The following BCO1 variants were observed in gnomAD, a reference collection of about 807,000 sequenced individuals.
The protein encoded by BCO1 is beta,beta-carotene 15,15'-dioxygenase.
In BCO1, 54 loss-of-function variants were observed where a neutral mutation model predicts 56.3. That is an observed-to-expected ratio of 0.96 (90% confidence interval 0.77 to 1.20). The LOEUF (loss-of-function observed/expected upper bound fraction) is 1.20. BCO1 is among the 50% of genes most tolerant of loss of function. The pLI is 0.00. For synonymous variants in BCO1, 318 were observed against 266.1 expected, an observed-to-expected ratio of 1.20 and a Z score of -1.90; for missense variants, 801 against 690.9, an observed-to-expected ratio of 1.16 and a Z score of -1.79.
At position 81,285,582 on chromosome 16, in the gene BCO1, A is replaced by G; in HGVS notation, c.1250A>G (p.Gln417Arg). Residue 417 changes from glutamine (Q) to arginine (R), a missense_variant, in exon 9 of 11, where the codon CAA becomes CGA. Coordinates refer to ENST00000258168, the MANE Select transcript of BCO1 (RefSeq NM_017429.3). ...GTCAATTATGCTCACAATGGAAAGC[A>G]ATACCGATATGTCTTTGCTACAGGA... ...PRVNYAHNGK[Q>R]YRYVFATGVQ... The G allele has an allele frequency of 6.2e-7, 1 of 1,613,972 alleles. No homozygotes were observed.
At chr16:81,261,896 C>T (rs1906505888) in intron 3 of BCO1, 2 of 419,808 alleles carry the variant, frequency 4.8e-6, no homozygotes, top group South Asian at 4.1e-5. Flanking sequence ...CGCCTGCCAC[C>T]ACGCCCGGCT....
chr16:81,270,184 G>A lies in BCO1; in HGVS notation c.869G>A (p.Arg290Lys), dbSNP rs1222272747. ...ACTTATATCCACATCATCGACCAAA[G>A]GACCAGGCAGCCTGTGCAGACCAAG... ...EKTYIHIIDQRTRQPVQTKFY... is the reference protein window; with the variant it reads ...EKTYIHIIDQKTRQPVQTKFY... The change falls in exon 7 of 11, where the codon AGG becomes AAG. Residue 290 changes from arginine (R) to lysine (K), a missense_variant. Physicochemically the swap from Arg to Lys is conservative, Grantham distance 26 (BLOSUM62 2). Transcript: ENST00000258168. The A allele has an allele frequency of 1.2e-6, 2 of 1,614,144 alleles. No homozygotes were observed. Among genetic ancestry groups the A allele is most frequent in the Admixed American group, 1.7e-5 (1 of 60,026 alleles).
rs1904977474 is a variant in BCO1 at position 81,238,853 on chromosome 16, A to C, written c.-56A>C. 2 of 1,495,972 alleles carry C rather than the reference A, an allele frequency of 1.3e-6. No homozygotes were observed. Among genetic ancestry groups the C allele is most frequent in the East Asian group, 4.5e-5 (2 of 44,244 alleles). The allele number at this position is 1,495,972 out of a possible 1,614,324, so 92.7% of individuals were successfully genotyped here. On this transcript the variant is annotated 5_prime_UTR_variant, in exon 1 of 11. Coordinates refer to ENST00000258168, the MANE Select transcript of BCO1 (RefSeq NM_017429.3). Reference sequence around the variant, plus strand: ...GGAGGAGGGAGCAGCATCTCCTGTGAACACAGAGGAGCACCTGTTTGCTGT... The same window carrying C: ...GGAGGAGGGAGCAGCATCTCCTGTGCACACAGAGGAGCACCTGTTTGCTGT...
intron 2 of BCO1, among the ~76,000 whole-genome samples, chr16:81,251,837 C>CACA (rs1905816163): frequency 6.9e-6 from 1 of 145,592 alleles, no homozygotes; most frequent in African/African-American, 2.7e-5. Flanking sequence ...TATATACCCA[C>CACA]ACACACACAC....
At chr16:81,266,473 C>T (rs1176034251) in intron 5 of BCO1, among the ~76,000 whole-genome samples, 1 of 152,124 alleles carries the variant, frequency 6.6e-6, no homozygotes, top group African/African-American at 2.4e-5. Context: ...CCATCCCCCA[C>T]TGTCTTGTAG....
chr16:81,265,640 C>T lies in BCO1; in HGVS notation c.619+853C>T, dbSNP rs1906772245. On this transcript the variant is annotated intron_variant, in intron 5 of 10. Transcript: ENST00000258168. ...CCCACCCATCCACCATCCATCCATTCATCCATCCACCCACACACCATCTAC... is the reference window on the plus strand; with the variant it reads ...CCCACCCATCCACCATCCATCCATTTATCCATCCACCCACACACCATCTAC... Among the ~76,000 whole-genome samples, 3 of 144,884 alleles carry T rather than the reference C, an allele frequency of 2.1e-5. No homozygotes were observed. The South Asian group carries it at 7.0e-4, about 34-fold the overall frequency.
At chr16:81,286,115 T>C (rs1015290143) in intron 9 of BCO1, among the ~76,000 whole-genome samples, 2 of 152,102 alleles carry the variant, frequency 1.3e-5, no homozygotes, top group Admixed American at 6.5e-5. Flanking sequence ...CTTGAATTCC[T>C]AGGTTCAGGG....
intron 1 of BCO1, among the ~76,000 whole-genome samples, chr16:81,243,708 A>T (rs1239378231): frequency 6.6e-6 from 1 of 152,116 alleles, no homozygotes; most frequent in Non-Finnish European, 1.5e-5. Flanking sequence ...ACCTCAAGCG[A>T]TCTGCCTGCC....
intron 5 of BCO1, among the ~76,000 whole-genome samples, chr16:81,266,615 A>C (rs1260641922): frequency 6.6e-6 from 1 of 152,138 alleles, no homozygotes; most frequent in Non-Finnish European, 1.5e-5. Context: ...TCAAGCTCAG[A>C]ATCCTAGAAT....
In BCO1 at chr16:81,262,212, G is replaced by C; in HGVS notation, c.400G>C (p.Asp134His). 6.2e-7 allele frequency: 1 copy of C among 1,613,952 alleles called. No homozygotes were observed. Among genetic ancestry groups the C allele is most frequent in the Non-Finnish European group, 8.5e-7 (1 of 1,179,864 alleles). ...GATCAACATCATGAAGTGCGGAGAA[G>C]ACTTCTACGCGACCTCAGAGACCAA... The part of the protein sequence containing the change: ...CLINIMKCGE[D>H]FYATSETNYI... The change falls in exon 4 of 11, where the codon GAC (aspartate) becomes CAC (histidine). Residue 134 changes from aspartate (D) to histidine (H), a missense_variant. Asp to His is a moderately conservative substitution (Grantham distance 81). Coordinates refer to ENST00000258168, the MANE Select transcript of BCO1 (RefSeq NM_017429.3).
chr16:81,284,265 T>A (rs1402989811), intron 8 of BCO1, among the ~76,000 whole-genome samples: 1 of 970 alleles, frequency 1.0e-3, no homozygotes, highest in African/African-American at 1.5e-3. Context: ...TAAATATATA[T>A]TTATATATTT....
chr16:81,270,073 G>C (rs528729448), intron 6 of BCO1, 86 bp from the exon 7 acceptor site: 1 of 1,547,026 alleles, frequency 6.5e-7, no homozygotes, highest in South Asian at 1.1e-5. Flanking sequence ...AGCTCCTGGC[G>C]GGGCTGGGTT....
intron 7 of BCO1, among the ~76,000 whole-genome samples, chr16:81,279,857 T>A (rs1003165029): frequency 6.6e-6 from 1 of 152,228 alleles, no homozygotes; most frequent in Non-Finnish European, 1.5e-5. Context: ...ATGTTTGTTT[T>A]CATTTCTGCA....
intron 9 of BCO1, among the ~76,000 whole-genome samples, chr16:81,285,878 A>C (rs556641083): frequency 2.5e-4 from 38 of 152,274 alleles, no homozygotes; most frequent in Admixed American, 1.8e-3. Flanking sequence ...TACATATTTA[A>C]TGAGCACCAA....
chr16:81,286,505 A>G lies in BCO1; in HGVS notation c.1303-790A>G, dbSNP rs557046602. Among the ~76,000 whole-genome samples the G allele has an allele frequency of 4.6e-5, 7 of 152,282 alleles. No homozygotes were observed. The South Asian group carries it at 1.5e-3, about 32-fold the overall frequency. Reference sequence around the variant, plus strand: ...TGTACTTTAAATGTTTGCATTGAATATATTCATTTATTTAACTCATATAAA... The same window carrying G: ...TGTACTTTAAATGTTTGCATTGAATGTATTCATTTATTTAACTCATATAAA... On this transcript the variant is annotated intron_variant, in intron 9 of 10. Transcript: ENST00000258168.
intron 1 of BCO1, among the ~76,000 whole-genome samples, chr16:81,240,995 C>T (rs904997528): frequency 4.6e-5 from 7 of 151,752 alleles, no homozygotes; most frequent in Non-Finnish European, 1.0e-4. Context: ...CCACCACACC[C>T]GGCTAATTTT....
At chr16:81,253,057 C>G (rs544093139) in intron 2 of BCO1, among the ~76,000 whole-genome samples, 2 of 151,936 alleles carry the variant, frequency 1.3e-5, no homozygotes, top group African/African-American at 4.8e-5. Flanking sequence ...TGCAGTGAGC[C>G]GAGATCGCAC....
At chr16:81,271,522 C>G (rs535701488) in intron 7 of BCO1, among the ~76,000 whole-genome samples, 43 of 152,300 alleles carry the variant, frequency 2.8e-4, no homozygotes, top group Non-Finnish European at 5.6e-4. Flanking sequence ...AAACACACCC[C>G]ACACCCCTTA....
At position 81,238,740 on chromosome 16, in the gene BCO1, C is replaced by G; in HGVS notation, c.-169C>G. The G allele has an allele frequency of 1.4e-6, 1 of 700,472 alleles. No individual in the cohort carries two copies. Among genetic ancestry groups the G allele is most frequent in the Non-Finnish European group, 2.6e-6 (1 of 382,936 alleles). 43.4% of individuals were successfully genotyped at this position (700,472 alleles called of 1,614,324 possible). A position where few individuals can be genotyped will look rare whatever the true frequency, so the allele number is the denominator to read the frequency against. On this transcript the variant is annotated 5_prime_UTR_variant, in exon 1 of 11. Coordinates refer to ENST00000258168, the MANE Select transcript of BCO1 (RefSeq NM_017429.3). ...TGGAGAGGGACAAGTGAGAGCCAGC[C>G]AAAAAGGAAAAAGCAAAGGCAGAAA... is the stretch of plus-strand genomic sequence containing the variant.
Sources: gnomAD v4.1 joint callset for allele counts (sites outside exome capture counted in the v4.1 genomes callset) on GRCh38, gnomAD v4.1.1 for gene constraint, MANE v1.5 for transcripts, NCBI Gene and HGNC (gene_info 2026-07-23, HGNC 2026-07-21) for gene names.